Variants in CDK5RAP2 observed in about 807,000 individuals in gnomAD.
CDK5RAP2 encodes the protein CDK5 regulatory subunit-associated protein 2.
In CDK5RAP2, 147 loss-of-function variants were observed where a neutral mutation model predicts 232.9. The observed-to-expected ratio is 0.63, with a 90% confidence interval of 0.55 to 0.72. CDK5RAP2 has a LOEUF of 0.72. Among genes scored for constraint, CDK5RAP2 ranks in the 30% least tolerant of loss-of-function variants. The pLI is 0.00. For synonymous variants in CDK5RAP2, 833 were observed against 833.7 expected, an observed-to-expected ratio of 1.00 and a Z score of 0.01; for missense variants, 2,195 against 2,231.5, an observed-to-expected ratio of 0.98 and a Z score of 0.33.
At chr9:120,517,054 A>T (rs1479950684) in intron 12 of CDK5RAP2, among the ~76,000 whole-genome samples, 1 of 152,158 alleles carries the variant, frequency 6.6e-6, no homozygotes, top group Non-Finnish European at 1.5e-5. Context: ...ATCGTTCTGG[A>T]GCCTACACCA....
At chr9:120,438,417 A>T (rs2035708950) in intron 24 of CDK5RAP2, among the ~76,000 whole-genome samples, 1 of 152,208 alleles carries the variant, frequency 6.6e-6, no homozygotes, top group African/African-American at 2.4e-5. Flanking sequence ...ACATGATACC[A>T]GCATTAAAGG....
chr9:120,547,583 G>A (rs937837939), intron 4 of CDK5RAP2, among the ~76,000 whole-genome samples: 4 of 151,742 alleles, frequency 2.6e-5, no homozygotes, highest in Non-Finnish European at 4.4e-5. Context: ...CAGCCTAGGC[G>A]ACAGAGCGAG....
Sources: allele counts gnomAD v4.1 joint callset (sites outside exome capture counted in the v4.1 genomes callset), GRCh38; gene constraint gnomAD v4.1.1; transcripts MANE v1.5; gene names NCBI Gene and HGNC (gene_info 2026-07-23, HGNC 2026-07-21).